Variants in PCDH7 observed in about 807,000 individuals in gnomAD.
PCDH7 encodes protocadherin 7, also known as protocadherin-7.
In PCDH7, 17 loss-of-function variants were observed where a neutral mutation model predicts 58.9. The ratio of observed to expected loss-of-function variants is 0.29; its 90% CI spans 0.20 to 0.43. PCDH7 has a LOEUF of 0.43. Ranked by LOEUF, PCDH7 falls within the 20% of genes least tolerant of loss-of-function variation. PCDH7 has a pLI of 1.00. For missense variants in PCDH7, 1,274 were observed against 1,441.0 expected (o/e 0.88, Z 1.88); for synonymous variants, 664 against 616.4 (o/e 1.08, Z -1.14).
chr4:30,757,374 G>T (rs1157280321), intron 1 of PCDH7, among the ~76,000 whole-genome samples: 1 of 152,184 alleles, frequency 6.6e-6, no homozygotes, highest in Non-Finnish European at 1.5e-5. Context: ...ATAGGATAAA[G>T]CGAACACCGT....
intron 3 of PCDH7, among the ~76,000 whole-genome samples, chr4:31,128,017 G>A (rs1183596995): frequency 2.0e-5 from 3 of 150,558 alleles, no homozygotes; most frequent in East Asian, 2.0e-4. Context: ...GTGTCCATGT[G>A]TATATATATA....
In PCDH7 at chr4:31,080,342, A is replaced by T. The variant is rs534996828; in HGVS notation, c.*8-62131A>T. On this transcript the variant is annotated intron_variant, in intron 3 of 3. Coordinates refer to the PCDH7 transcript ENST00000509759. ...ACCTTGATTAATCAAATTGATTTTT[A>T]AAAATAATAGTATGTATAATTCATA... is the stretch of plus-strand genomic sequence containing the variant. Among the ~76,000 whole-genome samples the T allele has an allele frequency of 2.0e-5, 3 of 152,240 alleles. No homozygotes were observed. In the East Asian group the frequency reaches 5.8e-4, roughly 29 times the overall value.
chr4:30,801,208 C>T (rs866787735), intron 1 of PCDH7, among the ~76,000 whole-genome samples: 13 of 152,188 alleles, frequency 8.5e-5, no homozygotes, highest in Middle Eastern at 6.8e-3. Context: ...AAGATATTTG[C>T]TTCAGATTTT....
chr4:31,035,461 C>T (rs1256224969), intron 3 of PCDH7, among the ~76,000 whole-genome samples: 1 of 152,042 alleles, frequency 6.6e-6, no homozygotes, highest in African/African-American at 2.4e-5. Flanking sequence ...ACCACGTTGG[C>T]CAGGCTGGCC....
chr4:31,046,159 C>G (rs1237102888), intron 3 of PCDH7, among the ~76,000 whole-genome samples: 1 of 151,958 alleles, frequency 6.6e-6, no homozygotes, highest in Non-Finnish European at 1.5e-5. Context: ...ATTGATCCAC[C>G]TAGGCTAAAT....
chr4:31,064,290 T>G (rs1194314779), intron 3 of PCDH7, among the ~76,000 whole-genome samples: 1 of 152,128 alleles, frequency 6.6e-6, no homozygotes, highest in Non-Finnish European at 1.5e-5. Flanking sequence ...TTTACTCCTA[T>G]CATCCAGATA....
At chr4:30,962,504 A>C (rs543749119) in intron 3 of PCDH7, among the ~76,000 whole-genome samples, 1 of 152,270 alleles carries the variant, frequency 6.6e-6, no homozygotes, top group East Asian at 1.9e-4. Context: ...GTGTAATTCT[A>C]GGATGGGCAT....
chr4:30,917,481 C>T (rs987138412), intron 1 of PCDH7, among the ~76,000 whole-genome samples: 58 of 151,682 alleles, frequency 3.8e-4, no homozygotes, highest in Non-Finnish European at 5.7e-4. Context: ...TATTATAATC[C>T]ATTGTATGAT....
intron 1 of PCDH7, among the ~76,000 whole-genome samples, chr4:30,908,654 C>A (rs1353808101): frequency 1.3e-5 from 2 of 152,042 alleles, no homozygotes; most frequent in African/African-American, 4.8e-5. Context: ...TGCCTACCAA[C>A]CAAAAAAATC....
intron 1 of PCDH7, among the ~76,000 whole-genome samples, chr4:30,777,462 G>A (rs1342065180): frequency 2.0e-5 from 3 of 152,132 alleles, no homozygotes; most frequent in African/African-American, 7.2e-5. Context: ...AACAAAAGAA[G>A]CATTGCTGAT....
At chr4:30,940,169 A>G (rs1283903652) in intron 2 of PCDH7, among the ~76,000 whole-genome samples, 1 of 151,986 alleles carries the variant, frequency 6.6e-6, no homozygotes, top group Admixed American at 6.6e-5. Flanking sequence ...AAATATGTTT[A>G]GCCTCTTTCT....
intron 1 of PCDH7, among the ~76,000 whole-genome samples, chr4:30,799,857 C>A (rs917730356): frequency 6.9e-6 from 1 of 144,382 alleles, no homozygotes; most frequent in African/African-American, 2.5e-5. Flanking sequence ...ATGAATATCA[C>A]TTTTTTTTTT....
intron 1 of PCDH7, among the ~76,000 whole-genome samples, chr4:30,742,118 A>T (rs994197234): frequency 6.6e-6 from 1 of 152,178 alleles, no homozygotes; most frequent in Admixed American, 6.5e-5. Flanking sequence ...CACAGTTAAT[A>T]ATAAAATTGT....
intron 2 of PCDH7, among the ~76,000 whole-genome samples, chr4:30,945,560 A>G (rs1746569764): frequency 6.6e-6 from 1 of 151,954 alleles, no homozygotes; most frequent in Non-Finnish European, 1.5e-5. Flanking sequence ...TTTTCAAAAA[A>G]TGCTTCAGGT....
chr4:31,140,028 C>T (rs908266216), intron 3 of PCDH7, among the ~76,000 whole-genome samples: 3 of 152,124 alleles, frequency 2.0e-5, no homozygotes, highest in Non-Finnish European at 2.9e-5. Context: ...AGAAAATACT[C>T]CAGACTGTGA....
chr4:30,923,209 T>G (rs986355646), intron 2 of PCDH7, among the ~76,000 whole-genome samples: 19 of 152,186 alleles, frequency 1.2e-4, no homozygotes, highest in Admixed American at 4.6e-4. Flanking sequence ...TATCAGCAAG[T>G]GTTTGGGATT....
intron 3 of PCDH7, among the ~76,000 whole-genome samples, chr4:31,097,596 A>ATG (rs1714222456): frequency 4.5e-5 from 1 of 22,128 alleles, no homozygotes; most frequent in Non-Finnish European, 6.9e-5. Flanking sequence ...ACATATATAT[A>ATG]TATATATATA....
chr4:31,094,377 CT>C (rs1157817585), intron 3 of PCDH7, among the ~76,000 whole-genome samples: 1 of 152,082 alleles, frequency 6.6e-6, no homozygotes, highest in African/African-American at 2.4e-5. Context: ...ATGACTATTA[CT>C]TACTGGCTAT....
chr4:30,833,165 G>A (rs911650900), intron 1 of PCDH7, among the ~76,000 whole-genome samples: 8 of 152,120 alleles, frequency 5.3e-5, no homozygotes, highest in Non-Finnish European at 1.0e-4. Context: ...CATTATAGTA[G>A]CATCCTATTG....
Sources: allele counts gnomAD v4.1 joint callset (sites outside exome capture counted in the v4.1 genomes callset), GRCh38; gene constraint gnomAD v4.1.1; transcripts MANE v1.5; gene names NCBI Gene and HGNC (gene_info 2026-07-23, HGNC 2026-07-21).